Variants in MEGF10 observed in about 807,000 individuals in gnomAD.
MEGF10 encodes the protein multiple epidermal growth factor-like domains protein 10.
A neutral mutation model predicts 147.5 loss-of-function variants in MEGF10; 86 were observed. The ratio of observed to expected loss-of-function variants is 0.58; its 90% CI spans 0.49 to 0.70. MEGF10 has a LOEUF of 0.70. MEGF10 is among the 30% of genes least tolerant of loss of function. MEGF10 has a pLI of 0.00. For synonymous variants in MEGF10, 478 were observed against 525.5 expected (o/e 0.91, Z 1.24); for missense variants, 1,329 against 1,487.3 (o/e 0.89, Z 1.75).
chr5:127,365,451 T>C (rs921374020), intron 4 of MEGF10, among the ~76,000 whole-genome samples: 3 of 152,202 alleles, frequency 2.0e-5, no homozygotes, highest in Non-Finnish European at 4.4e-5. Flanking sequence ...GAGGTCCATG[T>C]CATTGGTAAT....
chr5:127,459,501 TC>T lies in MEGF10; in HGVS notation c.*2184del, dbSNP rs1766487906. The stretch of plus-strand genomic sequence containing the variant: ...TAAGACATTTTCTCCCTTTTAAAGA[TC>T]ATCTCTTCAGAGCTGCATGGTAAAT... On this transcript the variant is annotated 3_prime_UTR_variant, in exon 25 of 25. Transcript: ENST00000503335. 2 of 152,338 alleles carry T rather than the reference TC, an allele frequency of 1.3e-5. No homozygotes were observed. The highest frequency in any genetic ancestry group is 4.1e-4 in the South Asian group (2 of 4,824). The allele number at this position is 152,338 out of a possible 1,614,324, so 9.4% of individuals were successfully genotyped here.
At chr5:127,361,416 T>C (rs1561593924) in intron 4 of MEGF10, among the ~76,000 whole-genome samples, 2 of 152,000 alleles carry the variant, frequency 1.3e-5, no homozygotes, top group Admixed American at 6.6e-5. Flanking sequence ...CTCTCTTTTT[T>C]TCCTGGTAAG....
In MEGF10 at chr5:127,440,872, G is replaced by A. The variant is rs1283800591; in HGVS notation, c.2362+5G>A. 4 of 1,611,414 alleles carry A rather than the reference G, an allele frequency of 2.5e-6. No homozygotes were observed. The South Asian group carries it at 3.3e-5, about 13-fold the overall frequency. On this transcript the variant is annotated splice_donor_5th_base_variant and intron_variant, in intron 18 of 24. Coordinates refer to ENST00000503335, the MANE Select transcript of MEGF10 (RefSeq NM_001256545.2). ...TGGGACGGCACTGTGAGCAGAGTAAGTATGAGAGTGTGGCATCACTGGGTG... is the reference window on the plus strand; with the variant it reads ...TGGGACGGCACTGTGAGCAGAGTAAATATGAGAGTGTGGCATCACTGGGTG...
At chr5:127,304,986 G>C (rs568856402) in intron 1 of MEGF10, among the ~76,000 whole-genome samples, 1 of 152,296 alleles carries the variant, frequency 6.6e-6, no homozygotes, top group East Asian at 1.9e-4. Flanking sequence ...AACAGCCTGA[G>C]CAGACGAAAA....
the MEGF10 span, among the ~76,000 whole-genome samples, chr5:127,246,611 AAAATGG>A: frequency 6.6e-6 from 1 of 151,742 alleles, no homozygotes; most frequent in Non-Finnish European, 1.5e-5. Context: ...AATTAAAAAA[AAAATGG>A]TGAGCAATGA....
the MEGF10 span, among the ~76,000 whole-genome samples, chr5:127,273,364 G>A: frequency 2.0e-5 from 3 of 152,140 alleles, no homozygotes; most frequent in Non-Finnish European, 2.9e-5. Flanking sequence ...AAAAAAACTC[G>A]ACATGGGTCG....
At chr5:127,267,521 G>A in the MEGF10 span, among the ~76,000 whole-genome samples, 1 of 152,134 alleles carries the variant, frequency 6.6e-6, no homozygotes, top group Non-Finnish European at 1.5e-5. Context: ...TTGTACCTCT[G>A]GTAGAATTTA....
the MEGF10 span, among the ~76,000 whole-genome samples, chr5:127,248,708 C>T: frequency 1.3e-5 from 2 of 151,532 alleles, no homozygotes. Context: ...GATAGAGCCT[C>T]AGAATCTTGT....
chr5:127,349,961 T>C (rs1762031707), intron 4 of MEGF10, among the ~76,000 whole-genome samples: 1 of 152,198 alleles, frequency 6.6e-6, no homozygotes, highest in South Asian at 2.1e-4. Flanking sequence ...CTAAGTACCA[T>C]GATAACTGAC....
intron 4 of MEGF10, among the ~76,000 whole-genome samples, chr5:127,358,017 G>A (rs145062302): frequency 4.3e-4 from 65 of 152,208 alleles, no homozygotes; most frequent in African/African-American, 1.4e-3. Context: ...CTGGTTTTGG[G>A]GCATTCTCAT....
chr5:127,340,475 A>G, intron 3 of MEGF10, 55 bp from the exon 4 acceptor site: 5 of 1,349,504 alleles, frequency 3.7e-6, no homozygotes, highest in Non-Finnish European at 5.3e-6. Context: ...AGTTTGAAAT[A>G]CTTTGCTTTT....
chr5:127,248,806 C>G, the MEGF10 span, among the ~76,000 whole-genome samples: 3 of 149,604 alleles, frequency 2.0e-5, no homozygotes, highest in East Asian at 5.9e-4. Context: ...GAAATAATAA[C>G]GAAAGGTGAA....
chr5:127,429,878 T>C (rs1236060358), intron 13 of MEGF10, among the ~76,000 whole-genome samples: 2 of 152,160 alleles, frequency 1.3e-5, no homozygotes, highest in Non-Finnish European at 1.5e-5. Context: ...AAATTGTTCA[T>C]TTGGTCCCTG....
the MEGF10 span, among the ~76,000 whole-genome samples, chr5:127,243,361 T>G: frequency 3.2e-3 from 491 of 152,320 alleles, 2 homozygotes; most frequent in Admixed American, 6.5e-3. Flanking sequence ...TATTTCAAAA[T>G]GTTTTTAGTA....
the MEGF10 span, among the ~76,000 whole-genome samples, chr5:127,279,280 A>G: frequency 2.0e-5 from 3 of 152,212 alleles, no homozygotes; most frequent in East Asian, 5.8e-4. Flanking sequence ...CAAGAGAGTT[A>G]GAAAAATAAT....
chr5:127,443,604 T>A lies in MEGF10; in HGVS notation c.2491+478T>A, dbSNP rs188512089. 2.8e-3 allele frequency among the ~76,000 whole-genome samples: 425 copies of A among 152,302 alleles called. 4 individuals are homozygous for A. The highest frequency in any genetic ancestry group is 9.7e-3 in the African/African-American group (404 of 41,568). Reference sequence around the variant, plus strand: ...GCCCCTCCCTACTTCTACCACCCCTTAAGCCCCAGGTAATCACTCATCTCT... The same window carrying A: ...GCCCCTCCCTACTTCTACCACCCCTAAAGCCCCAGGTAATCACTCATCTCT... On this transcript the variant is annotated intron_variant, in intron 19 of 24. Coordinates refer to ENST00000503335, the MANE Select transcript of MEGF10 (RefSeq NM_001256545.2).
At chr5:127,419,276 G>A in intron 11 of MEGF10, 36 bp downstream of exon 11, 1 of 1,601,814 alleles carries the variant, frequency 6.2e-7, no homozygotes, top group Non-Finnish European at 8.5e-7. Context: ...ATTTGATCCT[G>A]GTCACGTTAT....
chr5:127,290,392 C>T (rs1320596558), upstream of MEGF10, among the ~76,000 whole-genome samples: 1 of 152,200 alleles, frequency 6.6e-6, no homozygotes, highest in Non-Finnish European at 1.5e-5. Flanking sequence ...CGCTCGGGCG[C>T]CGGCCACCGT....
intron 10 of MEGF10, among the ~76,000 whole-genome samples, chr5:127,418,149 A>G (rs1354249903): frequency 1.3e-5 from 2 of 152,210 alleles, no homozygotes; most frequent in African/African-American, 4.8e-5. Flanking sequence ...ATTATTGTTG[A>G]CAGCTTTTGT....
Sources: gnomAD v4.1 joint callset for allele counts (sites outside exome capture counted in the v4.1 genomes callset) on GRCh38, gnomAD v4.1.1 for gene constraint, MANE v1.5 for transcripts, NCBI Gene and HGNC (gene_info 2026-07-23, HGNC 2026-07-21) for gene names.